Variants in SYT14 observed in about 807,000 individuals in gnomAD.
SYT14 encodes the protein synaptotagmin-14.
A neutral mutation model predicts 74.2 loss-of-function variants in SYT14; 32 were observed. That is an observed-to-expected ratio of 0.43 (90% CI 0.33 to 0.58). SYT14 has a LOEUF of 0.58. Among genes scored for constraint, SYT14 ranks in the 20% least tolerant of loss-of-function variants. The pLI is 0.05. For synonymous variants in SYT14, 298 were observed against 337.7 expected, an observed-to-expected ratio of 0.88 and a Z score of 1.29; for missense variants, 791 against 981.8, an observed-to-expected ratio of 0.81 and a Z score of 2.60.
chr1:210,044,864 C>T lies in SYT14; in HGVS notation c.1312+23610C>T, dbSNP rs1572206328. Among the ~76,000 whole-genome samples the T allele has an allele frequency of 4.6e-5, 7 of 152,244 alleles. No individual in the cohort carries two copies. In the South Asian group the frequency reaches 8.3e-4, roughly 18 times the overall value. ...CGGTGGAGCATGAAGTGGGAGCAGG[C>T]ACATCACATGGTGAGAATGGGAGCA... On this transcript the variant is annotated intron_variant, in intron 5 of 9. Transcript: ENST00000637265.
At chr1:209,989,910 T>C (rs75579312) in intron 2 of SYT14, among the ~76,000 whole-genome samples, 2,165 of 152,222 alleles carry the variant, frequency 0.014, 26 homozygotes, top group South Asian at 0.036. Context: ...TTCATTTCAA[T>C]TTATACTTTT....
chr1:210,011,061 A>T (rs1219329342), intron 2 of SYT14, among the ~76,000 whole-genome samples: 2 of 152,190 alleles, frequency 1.3e-5, no homozygotes, highest in Admixed American at 1.3e-4. Context: ...AAGACATGGG[A>T]GATTTTCAGT....
At chr1:210,019,963 G>A (rs578008820) in intron 4 of SYT14, among the ~76,000 whole-genome samples, 1 of 152,200 alleles carries the variant, frequency 6.6e-6, no homozygotes, top group South Asian at 2.1e-4. Context: ...TGAAATTTAG[G>A]TATATTTAAG....
intron 7 of SYT14, among the ~76,000 whole-genome samples, chr1:210,103,355 C>G (rs1293854656): frequency 6.6e-6 from 1 of 151,856 alleles, no homozygotes; most frequent in Non-Finnish European, 1.5e-5. Flanking sequence ...TTGAGACCAT[C>G]CTGGCTAACA....
intron 2 of SYT14, among the ~76,000 whole-genome samples, chr1:209,962,779 G>A (rs17015476): frequency 0.13 from 19,913 of 152,018 alleles, 4,106 homozygotes; most frequent in African/African-American, 0.44. Flanking sequence ...AGAATCTAGA[G>A]TAATCCAAAT....
At chr1:209,981,468 T>TTC (rs1572107003) in intron 2 of SYT14, among the ~76,000 whole-genome samples, 1 of 144,398 alleles carries the variant, frequency 6.9e-6, no homozygotes, top group East Asian at 2.2e-4. Context: ...TTTTTTTTTT[T>TTC]TGAGGCAGGA....
At chr1:210,102,549 A>C (rs2082086881) in intron 7 of SYT14, among the ~76,000 whole-genome samples, 3 of 152,040 alleles carry the variant, frequency 2.0e-5, no homozygotes, top group African/African-American at 4.8e-5. Context: ...CTTAAGTTTT[A>C]ATATTAACTT....
rs1435528198 is a variant in SYT14 at position 210,082,366 on chromosome 1, A to G, written c.1313-11956A>G. 2.0e-5 allele frequency among the ~76,000 whole-genome samples: 3 copies of G among 152,300 alleles called. No individual in the cohort carries two copies. The East Asian group carries it at 5.8e-4, about 29-fold the overall frequency. On this transcript the variant is annotated intron_variant, in intron 5 of 9. Transcript: ENST00000637265. ...AGCAAAGTTGAGAACCGAAGAGACT[A>G]CTAGGAATTCTATCCACCGAGGTTT...
At chr1:209,977,161 A>G (rs925169208) in intron 2 of SYT14, among the ~76,000 whole-genome samples, 19 of 152,270 alleles carry the variant, frequency 1.2e-4, no homozygotes, top group African/African-American at 3.9e-4. Context: ...TGTTTGTCCA[A>G]TTTGCCAGTC....
At chr1:210,081,757 C>G (rs145416056) in intron 5 of SYT14, among the ~76,000 whole-genome samples, 155 of 152,226 alleles carry the variant, frequency 1.0e-3, no homozygotes, top group African/African-American at 3.5e-3. Context: ...CATGAACTAC[C>G]CAACTACCTA....
chr1:210,040,404 A>G (rs1326180170), intron 5 of SYT14, among the ~76,000 whole-genome samples: 1 of 152,028 alleles, frequency 6.6e-6, no homozygotes, highest in Non-Finnish European at 1.5e-5. Context: ...GCATTAGGAG[A>G]AATACCTAAT....
At chr1:209,978,918 C>T (rs2079424444) in intron 2 of SYT14, among the ~76,000 whole-genome samples, 1 of 152,226 alleles carries the variant, frequency 6.6e-6, no homozygotes, top group Admixed American at 6.5e-5. Context: ...GCGCCCCTCC[C>T]CCAGCCTCGC....
intron 7 of SYT14, among the ~76,000 whole-genome samples, chr1:210,153,737 T>G (rs1055924735): frequency 1.5e-4 from 23 of 152,170 alleles, no homozygotes; most frequent in Non-Finnish European, 2.9e-5. Context: ...TTTATTTCAT[T>G]TTATTGTCTT....
chr1:210,154,360 T>G (rs1055309924), intron 7 of SYT14, among the ~76,000 whole-genome samples: 4 of 152,154 alleles, frequency 2.6e-5, no homozygotes, highest in African/African-American at 4.8e-5. Flanking sequence ...GAGCTCGGCC[T>G]CCTGTCAGAT....
chr1:210,002,077 G>A (rs950047045), intron 2 of SYT14, among the ~76,000 whole-genome samples: 1 of 152,146 alleles, frequency 6.6e-6, no homozygotes, highest in Non-Finnish European at 1.5e-5. Context: ...AGCAGCTCTC[G>A]CAGACTGGAA....
chr1:210,095,464 G>A (rs1157671046), intron 6 of SYT14, among the ~76,000 whole-genome samples: 1 of 152,114 alleles, frequency 6.6e-6, no homozygotes, highest in Non-Finnish European at 1.5e-5. Flanking sequence ...ATGTTGCCCA[G>A]GCTGGTCTCA....
At chr1:210,127,967 C>T (rs1264576075) in intron 7 of SYT14, among the ~76,000 whole-genome samples, 1 of 152,042 alleles carries the variant, frequency 6.6e-6, no homozygotes, top group Non-Finnish European at 1.5e-5. Flanking sequence ...GCGGAGGTTG[C>T]AGATTGTGCC....
intron 5 of SYT14, among the ~76,000 whole-genome samples, chr1:210,046,429 T>C (rs1162925475): frequency 6.6e-6 from 1 of 152,168 alleles, no homozygotes; most frequent in Non-Finnish European, 1.5e-5. Context: ...ATGATTTTTT[T>C]TTTTGTAACT....
At chr1:209,938,258 G>C (rs775030009) in exon 1 of SYT14, 43 of 1,559,676 alleles carry the variant, frequency 2.8e-5, no homozygotes, top group Middle Eastern at 1.7e-4. Context: ...TCCATGGCGA[G>C]CGCATCATGG....
Sources: allele counts gnomAD v4.1 joint callset (sites outside exome capture counted in the v4.1 genomes callset), GRCh38; gene constraint gnomAD v4.1.1; transcripts MANE v1.5; gene names NCBI Gene and HGNC (gene_info 2026-07-23, HGNC 2026-07-21).